The following HNRNPC variants were observed in gnomAD, a reference collection of about 807,000 sequenced individuals.
The protein encoded by HNRNPC is heterogeneous nuclear ribonucleoproteins C1/C2.
A neutral mutation model predicts 33.2 loss-of-function variants in HNRNPC; 3 were observed. The observed-to-expected ratio is 0.09, with a 90% CI of 0.04 to 0.23. The LOEUF (loss-of-function observed/expected upper bound fraction) is 0.23, where lower values mean the gene tolerates loss of function less well. HNRNPC is among the 10% of genes least tolerant of loss of function. The probability of loss-of-function intolerance (pLI) is 1.00; values close to 1 mark genes in which losing one functional copy is unlikely to be tolerated. For missense variants in HNRNPC, 143 were observed against 366.7 expected (o/e 0.39, Z 4.98); for synonymous variants, 121 against 126.7 (o/e 0.96, Z 0.30).
chr14:21,243,676 A>G (rs999196820), intron 2 of HNRNPC, among the ~76,000 whole-genome samples: 1 of 152,248 alleles, frequency 6.6e-6, no homozygotes, highest in Non-Finnish European at 1.5e-5. Context: ...AATAAAAGGT[A>G]TCAAGCAATG....
intron 5 of HNRNPC, among the ~76,000 whole-genome samples, chr14:21,222,290 C>A (rs1253526376): frequency 6.6e-6 from 1 of 152,100 alleles, no homozygotes; most frequent in African/African-American, 2.4e-5. Context: ...CCATACAACC[C>A]AGCACTTCTC....
intron 2 of HNRNPC, among the ~76,000 whole-genome samples, chr14:21,245,247 G>A (rs1035396272): frequency 1.3e-5 from 2 of 152,116 alleles, no homozygotes; most frequent in African/African-American, 2.4e-5. Flanking sequence ...TGTAATCCCA[G>A]TACTTTTGGA....
rs555315520 is a variant in HNRNPC at position 21,251,932 on chromosome 14, A to G, written c.-37+11379T>C. On this transcript the variant is annotated intron_variant, in intron 2 of 8. Coordinates refer to ENST00000553300, the MANE Select transcript of HNRNPC (RefSeq NM_004500.4). ...AGATTTTAAAATTTCTAAATTATGGATAAGATTTTAGACAGGTATAACAAA... is the reference window on the plus strand; with the variant it reads ...AGATTTTAAAATTTCTAAATTATGGGTAAGATTTTAGACAGGTATAACAAA... Among the ~76,000 whole-genome samples the G allele has an allele frequency of 8.5e-5, 13 of 152,310 alleles. No homozygotes were observed. In the South Asian group the frequency reaches 1.7e-3, roughly 19 times the overall value.
intron 7 of HNRNPC, 63 bp from the exon 8 acceptor site, chr14:21,211,629 CA>C (rs1891616440): frequency 6.5e-7 from 1 of 1,538,072 alleles, no homozygotes; most frequent in East Asian, 2.4e-5. Context: ...AGACAATCCC[CA>C]CTAAGGATCA....
At chr14:21,241,668 A>C (rs993658101) in intron 2 of HNRNPC, among the ~76,000 whole-genome samples, 5 of 152,134 alleles carry the variant, frequency 3.3e-5, no homozygotes, top group Non-Finnish European at 7.4e-5. Context: ...CTTCCTATGG[A>C]TCTTATTGCT....
intron 5 of HNRNPC, among the ~76,000 whole-genome samples, chr14:21,229,727 G>C (rs1252171770): frequency 6.6e-6 from 1 of 152,102 alleles, no homozygotes; most frequent in Non-Finnish European, 1.5e-5. Flanking sequence ...AAATCAGACT[G>C]AATTGTTATA....
At chr14:21,229,053 C>A (rs1398377905) in intron 5 of HNRNPC, among the ~76,000 whole-genome samples, 1 of 147,968 alleles carries the variant, frequency 6.8e-6, no homozygotes, top group Non-Finnish European at 1.5e-5. Flanking sequence ...CCACTTCACT[C>A]CAGCCTGGTG....
intron 2 of HNRNPC, among the ~76,000 whole-genome samples, chr14:21,256,513 A>C (rs1877236491): frequency 6.6e-6 from 1 of 152,154 alleles, no homozygotes; most frequent in African/African-American, 2.4e-5. Context: ...CACTTTTAAG[A>C]ACAAAACTAG....
In HNRNPC at chr14:21,234,098, A is replaced by G. The variant is rs764197563; in HGVS notation, c.96T>C (p.Asp32=). The G allele has an allele frequency of 6.2e-7, 1 of 1,613,966 alleles. No individual in the cohort carries two copies. Among genetic ancestry groups the G allele is most frequent in the South Asian group, 1.1e-5 (1 of 91,076 alleles). The change falls in exon 3 of 9, where the codon GAT becomes GAC. Residue 32 remains aspartate, a synonymous_variant. Transcript: ENST00000553300. ...CATACTTCGAAAAGATTGCCTCCACATCAGATTTCTTGACCACAAGAGTGT... is the reference window on the plus strand; with the variant it reads ...CATACTTCGAAAAGATTGCCTCCACGTCAGATTTCTTGACCACAAGAGTGT... ...NLNTLVVKKS[D]VEAIFSKYGK...
intron 1 of HNRNPC, chr14:21,264,853 C>G (rs1433014859): frequency 6.6e-6 from 1 of 152,094 alleles, no homozygotes; most frequent in Non-Finnish European, 1.5e-5. Flanking sequence ...CATGACGAGA[C>G]TTTATTAAAA....
At chr14:21,241,423 A>T (rs559869686) in intron 2 of HNRNPC, among the ~76,000 whole-genome samples, 1 of 152,284 alleles carries the variant, frequency 6.6e-6, no homozygotes, top group South Asian at 2.1e-4. Flanking sequence ...GATGGCAGCA[A>T]TGAGTTGTCA....
At chr14:21,223,989 T>C (rs1893137089) in intron 5 of HNRNPC, among the ~76,000 whole-genome samples, 1 of 152,038 alleles carries the variant, frequency 6.6e-6, no homozygotes, top group Non-Finnish European at 1.5e-5. Flanking sequence ...AGCCTAGAAG[T>C]CTCCTGCTCT....
intron 2 of HNRNPC, among the ~76,000 whole-genome samples, chr14:21,250,217 C>A (rs1469790835): frequency 6.6e-6 from 1 of 151,604 alleles, no homozygotes; most frequent in Non-Finnish European, 1.5e-5. Context: ...CGCACCACTG[C>A]ACTCCAGCCT....
At chr14:21,258,240 A>G (rs1018797851) in intron 2 of HNRNPC, among the ~76,000 whole-genome samples, 6 of 152,134 alleles carry the variant, frequency 3.9e-5, no homozygotes, top group Non-Finnish European at 8.8e-5. Flanking sequence ...AAATATAAAA[A>G]TTAGCTGGGT....
At chr14:21,245,921 C>T (rs1384032517) in intron 2 of HNRNPC, among the ~76,000 whole-genome samples, 1 of 152,060 alleles carries the variant, frequency 6.6e-6, no homozygotes, top group Non-Finnish European at 1.5e-5. Flanking sequence ...TCTCAGTTCA[C>T]TACAACCTCC....
chr14:21,241,839 G>A (rs933179751), intron 2 of HNRNPC, among the ~76,000 whole-genome samples: 1 of 152,186 alleles, frequency 6.6e-6, no homozygotes, highest in South Asian at 2.1e-4. Flanking sequence ...AGTAATACCT[G>A]GGGATATTAC....
At chr14:21,229,795 T>C (rs531256528) in intron 5 of HNRNPC, among the ~76,000 whole-genome samples, 3 of 152,364 alleles carry the variant, frequency 2.0e-5, no homozygotes, top group African/African-American at 7.2e-5. Flanking sequence ...AGACAAATAG[T>C]ATATAAAGTA....
chr14:21,226,354 G>C (rs1356844433), intron 5 of HNRNPC, among the ~76,000 whole-genome samples: 1 of 147,392 alleles, frequency 6.8e-6, no homozygotes, highest in African/African-American at 2.5e-5. Context: ...AAGAAAGAAA[G>C]AATAGTACCA....
At chr14:21,234,682 T>C (rs571314958) in intron 2 of HNRNPC, 68 of 164,146 alleles carry the variant, frequency 4.1e-4, no homozygotes, top group Non-Finnish European at 7.4e-4. Flanking sequence ...TTTCACCGGT[T>C]CTGTATATAT....
Sources: allele counts gnomAD v4.1 joint callset (sites outside exome capture counted in the v4.1 genomes callset), GRCh38; gene constraint gnomAD v4.1.1; transcripts MANE v1.5; gene names NCBI Gene and HGNC (gene_info 2026-07-23, HGNC 2026-07-21).